ANKFN1: variants seen among roughly 807,000 people sequenced by gnomAD.
ANKFN1 encodes ankyrin repeat and fibronectin type III domain containing 1, also known as ankyrin repeat and fibronectin type-III domain-containing protein 1.
In ANKFN1, 74 loss-of-function variants were observed where a neutral mutation model predicts 108.7. The ratio of observed to expected loss-of-function variants is 0.68; its 90% CI spans 0.56 to 0.83. The LOEUF (loss-of-function observed/expected upper bound fraction) is 0.83, where lower values mean the gene tolerates loss of function less well. ANKFN1 is among the 40% of genes least tolerant of loss of function. The pLI is 0.00. For missense variants in ANKFN1, 1,505 were observed against 1,382.3 expected (o/e 1.09, Z -1.41); for synonymous variants, 547 against 516.2 (o/e 1.06, Z -0.81).
chr17:56,430,210 T>C (rs1786873567), intron 8 of ANKFN1, among the ~76,000 whole-genome samples: 2 of 152,140 alleles, frequency 1.3e-5, no homozygotes, highest in African/African-American at 4.8e-5. Flanking sequence ...TAATCTAATG[T>C]CATTTGTGAT....
chr17:56,371,573 C>A (rs971238618), intron 6 of ANKFN1, among the ~76,000 whole-genome samples: 2 of 152,162 alleles, frequency 1.3e-5, no homozygotes, highest in African/African-American at 4.8e-5. Flanking sequence ...CAGGGAGTGT[C>A]AAACACATTT....
chr17:56,327,483 T>G (rs1430533054), intron 4 of ANKFN1, among the ~76,000 whole-genome samples: 1 of 152,192 alleles, frequency 6.6e-6, no homozygotes, highest in Non-Finnish European at 1.5e-5. Context: ...CATGCTTCTC[T>G]AAATAAAAAC....
chr17:56,198,347 C>T (rs1197731037), intron 1 of ANKFN1, among the ~76,000 whole-genome samples: 3 of 152,218 alleles, frequency 2.0e-5, no homozygotes, highest in Admixed American at 6.5e-5. Flanking sequence ...CGATCTCTCA[C>T]ATGCACTGTT....
intron 3 of ANKFN1, among the ~76,000 whole-genome samples, chr17:56,298,421 C>G (rs998095924): frequency 2.0e-5 from 3 of 152,182 alleles, no homozygotes; most frequent in African/African-American, 7.2e-5. Context: ...GTCATGTCAA[C>G]TCATACCATA....
rs1473468959 is a variant in ANKFN1, at chr17:56,169,773, A to G, written c.-71+16243A>G. Among the ~76,000 whole-genome samples the G allele has an allele frequency of 5.3e-5, 8 of 152,092 alleles. 1 individual carries two copies. ...AGAGATGTTAATAACACATCATGGC[A>G]AGCTGCCCTGCTACTCCTGTTCTGC... On this transcript the variant is annotated intron_variant, in intron 1 of 20. Transcript: ENST00000682825.
chr17:56,117,482 C>A (rs1433308383), intron 4 of ANKFN1, among the ~76,000 whole-genome samples: 1 of 152,116 alleles, frequency 6.6e-6, no homozygotes, highest in Non-Finnish European at 1.5e-5. Context: ...AAAAATACTA[C>A]CCAGGGCATT....
At position 56,457,294 on chromosome 17, in the gene ANKFN1, A is replaced by G. The variant is rs1450857745; in HGVS notation, c.1345A>G (p.Asn449Asp). The change falls in exon 13 of 21, where the codon AAT (asparagine) becomes GAT (aspartate). Residue 449 changes from asparagine (N) to aspartate (D), a missense_variant. Asn to Asp is a conservative substitution (Grantham distance 23). Transcript: ENST00000682825. ...YIAVIFYYKD[N>D]ILVTNEDQVP... ...AGCCGTTATATTTTATTACAAAGAC[A>G]ATATCTTAGTCACCAATGAAGATCA... 2 of 1,600,516 alleles carry G rather than the reference A, an allele frequency of 1.2e-6. No individual in the cohort carries two copies. The highest frequency in any genetic ancestry group is 1.7e-5 in the Admixed American group (1 of 57,986).
intron 1 of ANKFN1, among the ~76,000 whole-genome samples, chr17:56,176,471 G>T (rs1911166253): frequency 6.6e-6 from 1 of 152,202 alleles, no homozygotes; most frequent in African/African-American, 2.4e-5. Context: ...CGGAGTGTTT[G>T]TTATAGGTTG....
intron 1 of ANKFN1, among the ~76,000 whole-genome samples, chr17:56,181,152 A>G (rs777769714): frequency 2.0e-5 from 3 of 152,164 alleles, no homozygotes; most frequent in Admixed American, 1.3e-4. Flanking sequence ...AATTCTGTAT[A>G]ATGTCAATAT....
At chr17:56,140,026 CT>C (rs1907824866) in intron 4 of ANKFN1, among the ~76,000 whole-genome samples, 1 of 152,236 alleles carries the variant, frequency 6.6e-6, no homozygotes, top group African/African-American at 2.4e-5. Flanking sequence ...AATTTGACCA[CT>C]TTCCTAAGTT....
intron 8 of ANKFN1, 135 bp downstream of exon 8, chr17:56,374,849 A>C: frequency 5.9e-6 from 4 of 683,372 alleles, no homozygotes; most frequent in Non-Finnish European, 9.7e-6. Context: ...TTGAAGTTGA[A>C]ATATTTCCAT....
rs1220797010 is a variant in ANKFN1, at chr17:56,363,172, C to T, written c.601+9126C>T. Among the ~76,000 whole-genome samples the T allele has an allele frequency of 4.6e-5, 7 of 151,862 alleles. 1 individual carries two copies. Among genetic ancestry groups the T allele is most frequent in the African/African-American group, 7.3e-5 (3 of 41,336 alleles). ...ACGGGAGGCACAGGTTGCAATGGGC[C>T]GAGATCGCACCACAGCACTCCAGCC... On this transcript the variant is annotated intron_variant, in intron 6 of 20. Coordinates refer to ENST00000682825, the MANE Select transcript of ANKFN1 (RefSeq NM_001370326.1).
chr17:56,490,012 G>A (rs552663042), intron 18 of ANKFN1, among the ~76,000 whole-genome samples: 2 of 152,246 alleles, frequency 1.3e-5, no homozygotes, highest in East Asian at 1.9e-4. Flanking sequence ...AGGAGCCTTC[G>A]GGTGAAGGGT....
At chr17:56,436,296 C>T (rs1393442474) in intron 8 of ANKFN1, among the ~76,000 whole-genome samples, 1 of 152,162 alleles carries the variant, frequency 6.6e-6, no homozygotes, top group Non-Finnish European at 1.5e-5. Flanking sequence ...TAGGTTTTGT[C>T]GAATACCTTT....
Position 56,492,206 on chromosome 17 carries a change from A to C in ANKFN1, c.2280A>C (p.Arg760Ser). The C allele has an allele frequency of 2.9e-6, 2 of 701,002 alleles. No individual in the cohort carries two copies. Among genetic ancestry groups the C allele is most frequent in the East Asian group, 2.7e-5 (1 of 37,238 alleles). 43.4% of individuals were successfully genotyped at this position (701,002 alleles called of 1,614,324 possible). A position where few individuals can be genotyped will look rare whatever the true frequency, so the allele number is the denominator to read the frequency against. Residue 760 changes from arginine to serine, a missense_variant, in exon 19 of 21, where the codon AGA becomes AGC. Physicochemically the swap from Arg to Ser is moderately radical, Grantham distance 110. Coordinates refer to ENST00000682825, the MANE Select transcript of ANKFN1 (RefSeq NM_001370326.1). ...MFELVHFCSY[R>S]EKFISLYCRL... ...TTCCAGTTCATTTTTGCAGCTACAG[A>C]GAGAAATTTATTAGTCTGTATTGCC... is the stretch of plus-strand genomic sequence containing the variant.
At chr17:56,164,181 C>G (rs1022932986) in intron 1 of ANKFN1, among the ~76,000 whole-genome samples, 1 of 152,122 alleles carries the variant, frequency 6.6e-6, no homozygotes, top group Non-Finnish European at 1.5e-5. Context: ...CCTTCTGTGC[C>G]TTTGGATCTG....
intron 4 of ANKFN1, among the ~76,000 whole-genome samples, chr17:56,135,735 T>A (rs1262231782): frequency 1.3e-5 from 2 of 152,188 alleles, no homozygotes; most frequent in African/African-American, 4.8e-5. Flanking sequence ...AAGTTATTGA[T>A]TAAGGGTTCT....
chr17:56,243,718 T>A (rs1467839256), intron 3 of ANKFN1, among the ~76,000 whole-genome samples: 5 of 152,118 alleles, frequency 3.3e-5, no homozygotes, highest in Admixed American at 6.6e-5. Context: ...ATCCCCTGTT[T>A]ATCTCCTTAG....
rs2051843404 is a variant in ANKFN1, at chr17:56,513,826, T to G, written c.*2557T>G. On this transcript the variant is annotated 3_prime_UTR_variant, in exon 21 of 21. Coordinates refer to ENST00000682825, the MANE Select transcript of ANKFN1 (RefSeq NM_001370326.1). ...ATAGTTAAATCAATTGAAAATGCAT[T>G]TTCTTAGCAACATTCTTAAATAAAA... 6.6e-6 allele frequency among the ~76,000 whole-genome samples: 1 copy of G among 152,194 alleles called. No homozygotes were observed. The highest frequency in any genetic ancestry group is 1.5e-5 in the Non-Finnish European group (1 of 68,026).
Sources: allele counts gnomAD v4.1 joint callset (sites outside exome capture counted in the v4.1 genomes callset), GRCh38; gene constraint gnomAD v4.1.1; transcripts MANE v1.5; gene names NCBI Gene and HGNC (gene_info 2026-07-23, HGNC 2026-07-21).